The following LRRIQ1 variants were observed in gnomAD, a reference collection of about 807,000 sequenced individuals.
LRRIQ1 encodes leucine-rich repeat- and IQ domain-containing protein 1.
A neutral mutation model predicts 211.9 loss-of-function variants in LRRIQ1; 210 were observed. That is an observed-to-expected ratio of 0.99 (90% CI 0.89 to 1.11). The LOEUF is 1.11. LRRIQ1 is among the 50% of genes most tolerant of loss of function. LRRIQ1 has a pLI of 0.00. For missense variants in LRRIQ1, 2,136 were observed against 1,939.5 expected (o/e 1.10, Z -1.90); for synonymous variants, 699 against 650.1 (o/e 1.08, Z -1.14).
chr12:85,128,772 A>C (rs1422684184), intron 18 of LRRIQ1, among the ~76,000 whole-genome samples: 1 of 152,232 alleles, frequency 6.6e-6, no homozygotes, highest in Admixed American at 6.5e-5. Context: ...TTAGAAAGCA[A>C]ATAATTAATA....
Position 85,047,483 on chromosome 12 carries a change from TG to T in LRRIQ1, c.678+14del. ...GAACATTCAGAAGGTATTTTGCTTT[TG>T]TTTTTCATGTATTTTTAAAATCAGT... is the stretch of plus-strand genomic sequence containing the variant. On this transcript the variant is annotated intron_variant, in intron 6 of 26. Transcript: ENST00000393217. The T allele has an allele frequency of 6.3e-7, 1 of 1,597,932 alleles. No homozygotes were observed. Among genetic ancestry groups the T allele is most frequent in the Non-Finnish European group, 8.5e-7 (1 of 1,170,348 alleles).
intron 25 of LRRIQ1, among the ~76,000 whole-genome samples, chr12:85,232,172 AT>A (rs2137197826): frequency 6.6e-6 from 1 of 152,192 alleles, no homozygotes; most frequent in Admixed American, 6.5e-5. Flanking sequence ...TGAAAATATA[AT>A]ATATTAAATA....
intron 19 of LRRIQ1, among the ~76,000 whole-genome samples, chr12:85,147,388 A>G (rs1466907365): frequency 6.6e-6 from 1 of 151,844 alleles, no homozygotes; most frequent in African/African-American, 2.4e-5. Flanking sequence ...CAGTTACTTG[A>G]TTCCAGTCAT....
intron 11 of LRRIQ1, among the ~76,000 whole-genome samples, chr12:85,080,304 T>G (rs1200488612): frequency 6.6e-6 from 1 of 152,052 alleles, no homozygotes; most frequent in Non-Finnish European, 1.5e-5. Flanking sequence ...CTCCTAAATC[T>G]GTGGCTCAGT....
chr12:85,113,635 C>T (rs1887344802), intron 15 of LRRIQ1, among the ~76,000 whole-genome samples: 1 of 152,000 alleles, frequency 6.6e-6, no homozygotes, highest in Admixed American at 6.6e-5. Context: ...CCCCCTCCGC[C>T]AAGTTTTTCT....
chr12:85,174,034 C>T (rs1271184940), intron 24 of LRRIQ1, among the ~76,000 whole-genome samples: 1 of 151,874 alleles, frequency 6.6e-6, no homozygotes, highest in African/African-American at 2.4e-5. Context: ...TTTATAGACC[C>T]CCACTCTAAA....
Position 85,038,211 on chromosome 12 carries a change from T to C in LRRIQ1, c.35T>C (p.Ile12Thr), listed in dbSNP as rs766219757. 9.5e-6 allele frequency: 15 copies of C among 1,581,578 alleles called. No homozygotes were observed. The highest frequency in any genetic ancestry group is 1.3e-5 in the Non-Finnish European group (15 of 1,162,304). ...GATGATGCAAAGCTCAAAGCAGAAA[T>C]AGAAGCTGAATTGGATAAACTCAGC... Reference protein sequence around the residue: ...DDDDAKLKAEIEAELDKLSIS... With the variant: ...DDDDAKLKAETEAELDKLSIS... Residue 12 changes from isoleucine (I) to threonine (T), a missense_variant, in exon 2 of 27, where the codon ATA becomes ACA. Transcript: ENST00000393217.
chr12:85,072,835 A>T, intron 10 of LRRIQ1, 72 bp from the exon 11 acceptor site: 1 of 1,069,232 alleles, frequency 9.4e-7, no homozygotes, highest in East Asian at 2.9e-5. Flanking sequence ...TTTTTTTCTC[A>T]TATAAGCTAT....
chr12:85,114,132 G>T (rs892819698), intron 15 of LRRIQ1, among the ~76,000 whole-genome samples: 1 of 151,916 alleles, frequency 6.6e-6, no homozygotes, highest in African/African-American at 2.4e-5. Flanking sequence ...TTAGGAGCTG[G>T]ATCTTAAAGT....
chr12:85,224,614 C>T (rs1451272149), intron 24 of LRRIQ1, among the ~76,000 whole-genome samples: 1 of 151,812 alleles, frequency 6.6e-6, no homozygotes, highest in African/African-American at 2.4e-5. Flanking sequence ...AACCATCATT[C>T]TCAGCAAGAT....
chr12:85,246,571 A>G (rs568876825), downstream of LRRIQ1, among the ~76,000 whole-genome samples: 92 of 151,640 alleles, frequency 6.1e-4, 2 homozygotes, highest in Admixed American at 1.8e-3. Flanking sequence ...TCAAATATGC[A>G]AGTTTCATCA....
intron 24 of LRRIQ1, among the ~76,000 whole-genome samples, chr12:85,164,916 T>C (rs1592910654): frequency 6.6e-6 from 1 of 152,170 alleles, no homozygotes; most frequent in Non-Finnish European, 1.5e-5. Context: ...TAAAATAAGG[T>C]AAAACTCTGA....
At chr12:85,196,622 A>G (rs1892928337) in intron 24 of LRRIQ1, among the ~76,000 whole-genome samples, 1 of 152,190 alleles carries the variant, frequency 6.6e-6, no homozygotes, top group African/African-American at 2.4e-5. Flanking sequence ...CTGGCTAGCC[A>G]TATGTAGAAA....
intron 24 of LRRIQ1, 27 bp downstream of exon 24, chr12:85,160,741 GA>G: frequency 8.2e-7 from 1 of 1,218,464 alleles, no homozygotes; most frequent in Non-Finnish European, 1.2e-6. Context: ...GATACATAGA[GA>G]GGTAAAAAGA....
intron 19 of LRRIQ1, among the ~76,000 whole-genome samples, chr12:85,151,631 A>G (rs1890251055): frequency 6.6e-6 from 1 of 151,690 alleles, no homozygotes; most frequent in Non-Finnish European, 1.5e-5. Context: ...GGAAAGATAG[A>G]GTAAATTTGG....
At chr12:85,186,022 A>G (rs1477538739) in intron 24 of LRRIQ1, among the ~76,000 whole-genome samples, 1 of 152,040 alleles carries the variant, frequency 6.6e-6, no homozygotes, top group Non-Finnish European at 1.5e-5. Flanking sequence ...TTTAAATCAT[A>G]TTACCACTGT....
intron 18 of LRRIQ1, among the ~76,000 whole-genome samples, chr12:85,130,041 G>A (rs1290339551): frequency 6.6e-6 from 1 of 152,146 alleles, no homozygotes; most frequent in Non-Finnish European, 1.5e-5. Context: ...TTTAGGAAGA[G>A]CAACTGGAAA....
At chr12:85,263,101 T>C (rs1469742070) in exon 2 of LRRIQ1, 1 of 984,412 alleles carries the variant, frequency 1.0e-6, no homozygotes. Flanking sequence ...GCAAACTGTT[T>C]CATGAAGTCT....
At chr12:85,224,556 C>T (rs1032074847) in intron 24 of LRRIQ1, among the ~76,000 whole-genome samples, 3 of 151,888 alleles carry the variant, frequency 2.0e-5, no homozygotes, top group African/African-American at 4.8e-5. Flanking sequence ...ATGCAGCCAT[C>T]AAAAAGGATG....
Sources: gnomAD v4.1 joint callset for allele counts (sites outside exome capture counted in the v4.1 genomes callset) on GRCh38, gnomAD v4.1.1 for gene constraint, MANE v1.5 for transcripts, NCBI Gene and HGNC (gene_info 2026-07-23, HGNC 2026-07-21) for gene names.